The following VPS13D variants were observed in gnomAD, a reference collection of about 807,000 sequenced individuals.
The protein encoded by VPS13D is intermembrane lipid transfer protein VPS13D.
In VPS13D, 187 loss-of-function variants were observed where a neutral mutation model predicts 461.9. That is an observed-to-expected ratio of 0.40 (90% CI 0.36 to 0.46). The LOEUF (loss-of-function observed/expected upper bound fraction) is 0.46. Among genes scored for constraint, VPS13D ranks in the 20% least tolerant of loss-of-function variants. The pLI, the probability that VPS13D is intolerant of heterozygous loss-of-function variation, is 0.60. For missense variants in VPS13D, 4,711 were observed against 5,364.9 expected, an observed-to-expected ratio of 0.88 and a Z score of 3.81; for synonymous variants, 1,951 against 1,986.3, an observed-to-expected ratio of 0.98 and a Z score of 0.47.
chr1:12,369,758 G>C, intron 54 of VPS13D, 56 bp downstream of exon 54: 1 of 1,517,800 alleles, frequency 6.6e-7, no homozygotes, highest in Non-Finnish European at 9.0e-7. Flanking sequence ...ATTATTAACA[G>C]GTTTTAAATG....
intron 59 of VPS13D, among the ~76,000 whole-genome samples, chr1:12,385,711 G>C (rs1475590478): frequency 6.6e-6 from 1 of 152,166 alleles, no homozygotes; most frequent in East Asian, 1.9e-4. Flanking sequence ...GTTTGGGATT[G>C]GAGAGTGACA....
chr1:12,361,395 A>ATT (rs796776170), intron 50 of VPS13D, among the ~76,000 whole-genome samples: 6 of 133,372 alleles, frequency 4.5e-5, no homozygotes, highest in African/African-American at 1.4e-4. Context: ...TTATTTATTT[A>ATT]TTTATTTATT....
rs115710295 is a variant in VPS13D, at chr1:12,318,243, A to G, written c.7320A>G (p.Ile2440Met). ...RHRNSSSESA[I>M]VPKTVKSGVV... ...GTAACTCTAGCAGCGAATCTGCTAT[A>G]GTTCCCAAAACTGTGAAGAGTGGAG... The change falls in exon 31 of 70, where the codon ATA becomes ATG. Residue 2440 changes from isoleucine (I) to methionine (M), a missense_variant. Ile to Met is a conservative substitution (Grantham distance 10). Coordinates refer to ENST00000620676, the MANE Select transcript of VPS13D (RefSeq NM_015378.4). 6.2e-6 allele frequency: 10 copies of G among 1,614,198 alleles called. No homozygotes were observed. The highest frequency in any genetic ancestry group is 7.6e-6 in the Non-Finnish European group (9 of 1,180,028).
intron 13 of VPS13D, among the ~76,000 whole-genome samples, chr1:12,262,388 A>G (rs991021075): frequency 2.0e-5 from 3 of 152,248 alleles, no homozygotes; most frequent in Non-Finnish European, 2.9e-5. Context: ...TTTCAACTTT[A>G]CAAGTGGCAC....
intron 5 of VPS13D, among the ~76,000 whole-genome samples, chr1:12,247,804 A>G (rs893797548): frequency 4.0e-5 from 6 of 150,232 alleles, no homozygotes; most frequent in African/African-American, 1.2e-4. Flanking sequence ...CCCGGATTCA[A>G]GCGATTCTCC....
At chr1:12,365,116 C>A (rs1570011912) in intron 52 of VPS13D, among the ~76,000 whole-genome samples, 1 of 152,140 alleles carries the variant, frequency 6.6e-6, no homozygotes, top group Non-Finnish European at 1.5e-5. Context: ...TTTCATTGGT[C>A]TATATGTCTT....
At chr1:12,252,192 A>G (rs978111597) in intron 6 of VPS13D, among the ~76,000 whole-genome samples, 4 of 152,150 alleles carry the variant, frequency 2.6e-5, no homozygotes, top group African/African-American at 7.2e-5. Flanking sequence ...ATAAGGTTAC[A>G]TACACGCTTC....
Position 12,333,226 on chromosome 1 carries a change from G to T in VPS13D, c.8288G>T (p.Gly2763Val). The T allele has an allele frequency of 6.2e-7, 1 of 1,613,464 alleles. No homozygotes were observed. The change falls in exon 38 of 70, where the codon GGC becomes GTC. Residue 2763 changes from glycine to valine, a missense_variant and splice_region_variant. Transcript: ENST00000620676. ...TGTCTTATTTCCTGTGTTCTTTTAG[G>T]CTGGGAGCCATTTATTGAGCCTTGG... is the stretch of plus-strand genomic sequence containing the variant. ...SGDYYNRALS[G>V]WEPFIEPWPC...
intron 30 of VPS13D, among the ~76,000 whole-genome samples, chr1:12,314,805 G>A (rs981392034): frequency 7.9e-5 from 12 of 152,142 alleles, no homozygotes; most frequent in African/African-American, 2.4e-4. Context: ...ATTATGGGAG[G>A]CAGTGTTCTA....
At chr1:12,370,952 C>T (rs1644106924) in intron 54 of VPS13D, among the ~76,000 whole-genome samples, 1 of 152,090 alleles carries the variant, frequency 6.6e-6, no homozygotes, top group Non-Finnish European at 1.5e-5. Context: ...AATAATCTTG[C>T]TGTGCTAAGA....
intron 68 of VPS13D, chr1:12,500,054 C>T (rs1646015272): frequency 1.0e-6 from 1 of 985,250 alleles, no homozygotes; most frequent in Non-Finnish European, 1.2e-6. Context: ...CAGTTAGGCT[C>T]ACTGTTTCAC....
intron 2 of VPS13D, among the ~76,000 whole-genome samples, chr1:12,235,730 C>T (rs142119592): frequency 1.6e-4 from 25 of 152,264 alleles, no homozygotes; most frequent in Admixed American, 2.6e-4. Context: ...TGTCCTGAAA[C>T]GGGAGCTAAG....
intron 13 of VPS13D, among the ~76,000 whole-genome samples, chr1:12,266,368 T>G (rs1369009658): frequency 6.6e-6 from 1 of 152,152 alleles, no homozygotes; most frequent in Non-Finnish European, 1.5e-5. Context: ...TGTAGCAAAC[T>G]TCGTTGTTGT....
At chr1:12,372,356 C>T (rs1644131716) in intron 54 of VPS13D, among the ~76,000 whole-genome samples, 1 of 152,068 alleles carries the variant, frequency 6.6e-6, no homozygotes, top group Non-Finnish European at 1.5e-5. Flanking sequence ...AGTCACTGTG[C>T]CAGGCCTGGT....
At chr1:12,263,279 T>C (rs1641171700) in intron 13 of VPS13D, among the ~76,000 whole-genome samples, 1 of 152,034 alleles carries the variant, frequency 6.6e-6, no homozygotes, top group African/African-American at 2.4e-5. Context: ...TGGCGCCAAA[T>C]AGAAGACCAT....
chr1:12,423,131 G>T (rs188197804), intron 65 of VPS13D, among the ~76,000 whole-genome samples: 3 of 152,198 alleles, frequency 2.0e-5, no homozygotes, highest in East Asian at 3.9e-4. Context: ...TGCAACCATG[G>T]TTTTACTCAT....
At position 12,283,416 on chromosome 1, in the gene VPS13D, A is replaced by G. The variant is rs1225564344; in HGVS notation, c.5314A>G (p.Lys1772Glu). ...TCCTTCTCCAACAGTGGATGAGCCC[A>G]AGATACTTGTTGGAAAGAGTAAATT... The part of the protein sequence containing the change: ...PPPSPTVDEP[K>E]ILVGKSKFDD... The change falls in exon 21 of 70, where the codon AAG (lysine) becomes GAG (glutamate). Residue 1772 changes from lysine to glutamate, a missense_variant. Lys to Glu is a moderately conservative substitution (Grantham distance 56). Transcript: ENST00000620676. 5 of 1,614,216 alleles carry G rather than the reference A, an allele frequency of 3.1e-6. No individual in the cohort carries two copies. Among genetic ancestry groups the G allele is most frequent in the Non-Finnish European group, 3.4e-6 (4 of 1,180,032 alleles).
Position 12,338,294 on chromosome 1 carries a change from T to C in VPS13D, c.8615T>C (p.Ile2872Thr). The change falls in exon 40 of 70, where the codon ATC (isoleucine) becomes ACC (threonine). Residue 2872 changes from isoleucine (I) to threonine (T), a missense_variant. By Grantham distance (89) the Ile-to-Thr change is moderately conservative (BLOSUM62 -1). Coordinates refer to ENST00000620676, the MANE Select transcript of VPS13D (RefSeq NM_015378.4). ...TASLTNLEHQ[I>T]YARAEVKTPK... ...AGTCTGACTAACCTAGAGCACCAGA[T>C]CTATGCTAGAGGTACAGTATAGCCA... 6.2e-7 allele frequency: 1 copy of C among 1,613,682 alleles called. No individual in the cohort carries two copies. Among genetic ancestry groups the C allele is most frequent in the Non-Finnish European group, 8.5e-7 (1 of 1,179,686 alleles).
chr1:12,244,687 T>C, intron 5 of VPS13D, 70 bp downstream of exon 5: 1 of 1,429,602 alleles, frequency 7.0e-7, no homozygotes, highest in Non-Finnish European at 9.8e-7. Flanking sequence ...GTGTTTCTCC[T>C]CTTAGTTTCT....
Sources: allele counts gnomAD v4.1 joint callset (sites outside exome capture counted in the v4.1 genomes callset), GRCh38; gene constraint gnomAD v4.1.1; transcripts MANE v1.5; gene names NCBI Gene and HGNC (gene_info 2026-07-23, HGNC 2026-07-21).